OTOF: variants seen among roughly 807,000 people sequenced by gnomAD.
OTOF encodes the protein fer-1-like family member 2.
A neutral mutation model predicts 236.8 loss-of-function variants in OTOF; 218 were observed. The ratio of observed to expected loss-of-function variants is 0.92; its 90% CI spans 0.82 to 1.03. The LOEUF (loss-of-function observed/expected upper bound fraction) is 1.03, where lower values mean the gene tolerates loss of function less well. Ranked by LOEUF, OTOF falls within the 50% of genes least tolerant of loss-of-function variation. The pLI, the probability that OTOF is intolerant of heterozygous loss-of-function variation, is 0.00. For missense variants in OTOF, 2,590 were observed against 2,694.4 expected (o/e 0.96, Z 0.86); for synonymous variants, 1,041 against 1,072.5 (o/e 0.97, Z 0.57).
Position 26,477,639 on chromosome 2 carries a change from C to T in OTOF, c.2315+10G>A. The T allele has an allele frequency of 1.9e-6, 3 of 1,612,226 alleles. No individual in the cohort carries two copies. The highest frequency in any genetic ancestry group is 1.7e-5 in the Admixed American group (1 of 60,018). On this transcript the variant is annotated intron_variant, in intron 19 of 46. Coordinates refer to ENST00000272371, the MANE Select transcript of OTOF (RefSeq NM_194248.3). This position sits in a 1 kb window ranked among gnomAD's most constrained non-coding sequence, Gnocchi z 4.7. ...CATCCTCCCCCCACCTGCCGCCCCT[C>T]CCTTCTCACCAGCAGCCACAGCTCA...
rs187767884 is a variant in OTOF at position 26,550,055 on chromosome 2, T to C, written c.79+8438A>G. The stretch of plus-strand genomic sequence containing the variant: ...GTGACTCTTTTACTCTCCGATAGGG[T>C]AAAAATATTGTGGAAACTGCAGTCC... On this transcript the variant is annotated intron_variant, in intron 1 of 46. Transcript: ENST00000272371. Among the ~76,000 whole-genome samples, 246 of 149,230 alleles carry C rather than the reference T, an allele frequency of 1.6e-3. 1 individual carries two copies. Among genetic ancestry groups the C allele is most frequent in the Admixed American group, 0.011 (165 of 14,974 alleles).
chr2:26,478,918 C>T (rs543674561), intron 18 of OTOF, among the ~76,000 whole-genome samples: 9 of 152,278 alleles, frequency 5.9e-5, no homozygotes, highest in Admixed American at 5.2e-4. Flanking sequence ...AGGATGGTCT[C>T]GAACTCCTGA....
intron 25 of OTOF, 35 bp downstream of exon 25, chr2:26,475,324 C>T (rs377025329): frequency 1.9e-6 from 3 of 1,611,470 alleles, no homozygotes; most frequent in Non-Finnish European, 2.5e-6. Context: ...AGGTGTGGTG[C>T]TGCTGGGGTC....
At chr2:26,479,858 C>T (rs537150793) in intron 16 of OTOF, among the ~76,000 whole-genome samples, 1 of 152,358 alleles carries the variant, frequency 6.6e-6, no homozygotes, top group South Asian at 2.1e-4. Context: ...CGCCTGAGTG[C>T]GAGGCCCAGC....
intron 2 of OTOF, among the ~76,000 whole-genome samples, chr2:26,528,763 A>T (rs1666870630): frequency 6.6e-6 from 1 of 152,120 alleles, no homozygotes; most frequent in Non-Finnish European, 1.5e-5. Context: ...CACCCAGCCC[A>T]CCTTCCTGGG....
chr2:26,537,344 C>G (rs758722939), intron 2 of OTOF, among the ~76,000 whole-genome samples: 1 of 152,180 alleles, frequency 6.6e-6, no homozygotes, highest in Non-Finnish European at 1.5e-5. Flanking sequence ...TGCGACGTCC[C>G]CAACACTCGC....
At chr2:26,495,891 T>C (rs1018444822) in intron 8 of OTOF, among the ~76,000 whole-genome samples, 1 of 152,248 alleles carries the variant, frequency 6.6e-6, no homozygotes, top group Non-Finnish European at 1.5e-5. Flanking sequence ...AATTTCCTGC[T>C]CCAGGAATTC....
At chr2:26,517,466 T>A (rs1666562964) in intron 4 of OTOF, among the ~76,000 whole-genome samples, 1 of 152,222 alleles carries the variant, frequency 6.6e-6, no homozygotes, top group African/African-American at 2.4e-5. Flanking sequence ...ACTCATTTGA[T>A]CTTTTCAACA....
intron 5 of OTOF, among the ~76,000 whole-genome samples, chr2:26,504,345 G>C (rs1268703226): frequency 6.6e-6 from 1 of 152,156 alleles, no homozygotes; most frequent in Non-Finnish European, 1.5e-5. Context: ...AGGCCGATGA[G>C]GAGATGGGAG....
intron 8 of OTOF, 123 bp downstream of exon 8, chr2:26,501,631 T>C: frequency 1.4e-6 from 1 of 726,858 alleles, no homozygotes; most frequent in East Asian, 2.7e-5. Context: ...GAACTTATAT[T>C]CAGCTTGTTG....
At position 26,480,973 on chromosome 2, in the gene OTOF, A is replaced by G. The variant is rs771662009; in HGVS notation, c.1616T>C (p.Met539Thr). The change falls in exon 15 of 47, where the codon ATG becomes ACG. Residue 539 changes from methionine to threonine, a missense_variant. Physicochemically the swap from Met to Thr is moderately conservative, Grantham distance 81. This residue lies in a region of OTOF where 1,379 missense variants were observed against 1,341.6 expected (regional missense o/e 1.03). Transcript: ENST00000272371. Reference sequence around the variant, plus strand: ...CGTGTAGTTACGTGTGGAGCCGTACATGTTCACCCAGGCTGGGCCCAGTGT... The same window carrying G: ...CGTGTAGTTACGTGTGGAGCCGTACGTGTTCACCCAGGCTGGGCCCAGTGT... ...LPTLGPAWVN[M>T]YGSTRNYTLL... 4.3e-6 allele frequency: 7 copies of G among 1,609,496 alleles called. No individual in the cohort carries two copies. Among genetic ancestry groups the G allele is most frequent in the East Asian group, 4.5e-5 (2 of 44,636 alleles).
chr2:26,479,886 C>T (rs1220705188), intron 16 of OTOF, among the ~76,000 whole-genome samples: 1 of 152,274 alleles, frequency 6.6e-6, no homozygotes, highest in Non-Finnish European at 1.5e-5. Flanking sequence ...CAGGCTGTGG[C>T]CTGAGTTCCC....
chr2:26,480,451 C>A, intron 15 of OTOF, 140 bp from the exon 16 acceptor site: 1 of 708,392 alleles, frequency 1.4e-6, no homozygotes, highest in Non-Finnish European at 2.5e-6. Flanking sequence ...AGGCAGCCCA[C>A]ACCCCAACGG....
intron 3 of OTOF, among the ~76,000 whole-genome samples, chr2:26,523,667 C>T (rs1411973613): frequency 6.6e-6 from 1 of 152,214 alleles, no homozygotes; most frequent in Non-Finnish European, 1.5e-5. Flanking sequence ...CTCCTAACAC[C>T]ACAGGGGCAT....
At chr2:26,530,026 A>G (rs925460286) in intron 2 of OTOF, among the ~76,000 whole-genome samples, 2 of 137,646 alleles carry the variant, frequency 1.5e-5, no homozygotes, top group African/African-American at 2.5e-5. Flanking sequence ...AAAGCAGCCC[A>G]GGAAGGCCCA....
At chr2:26,475,283 C>T in intron 25 of OTOF, 76 bp downstream of exon 25, 1 of 1,543,876 alleles carries the variant, frequency 6.5e-7, no homozygotes, top group Non-Finnish European at 8.9e-7. Context: ...GGCACAGCCT[C>T]AGCGCAGGTG....
At chr2:26,531,915 G>A (rs1314250603) in intron 2 of OTOF, among the ~76,000 whole-genome samples, 2 of 151,990 alleles carry the variant, frequency 1.3e-5, no homozygotes, top group Non-Finnish European at 2.9e-5. Flanking sequence ...CCAACATGGT[G>A]AAACACGGTC....
At chr2:26,484,348 GGAGA>G (rs927674587) in intron 12 of OTOF, 122 bp downstream of exon 12, 1 of 1,000,796 alleles carries the variant, frequency 1.0e-6, no homozygotes. Context: ...GGGCTGCTTG[GGAGA>G]GTGAGCGAGA....
At chr2:26,533,361 C>G (rs1666994812) in intron 2 of OTOF, among the ~76,000 whole-genome samples, 2 of 152,152 alleles carry the variant, frequency 1.3e-5, no homozygotes, top group South Asian at 4.1e-4. Flanking sequence ...GCTTAAAGGC[C>G]TGGGCTCAGT....
Sources: gnomAD v4.1 joint callset for allele counts (sites outside exome capture counted in the v4.1 genomes callset) on GRCh38, gnomAD v4.1.1 for gene constraint, gnomAD v4.1.1 regional missense constraint, Gnocchi (gnomAD v3.1) non-coding constraint, MANE v1.5 for transcripts, NCBI Gene and HGNC (gene_info 2026-07-23, HGNC 2026-07-21) for gene names.